AXDND1: variants seen among roughly 807,000 people sequenced by gnomAD.
AXDND1 encodes the protein axonemal dynein light chain domain containing 1, also known as axonemal dynein light chain domain-containing protein 1.
In AXDND1, 110 loss-of-function variants were observed where a neutral mutation model predicts 137.5. That is an observed-to-expected ratio of 0.80 (90% CI 0.69 to 0.94). The LOEUF is 0.94. Ranked by LOEUF, AXDND1 falls within the 40% of genes least tolerant of loss-of-function variation. The probability of loss-of-function intolerance (pLI) is 0.00; values close to 1 mark genes in which losing one functional copy is unlikely to be tolerated. For synonymous variants in AXDND1, 414 were observed against 399.7 expected, an observed-to-expected ratio of 1.04 and a Z score of -0.43; for missense variants, 1,191 against 1,169.8, an observed-to-expected ratio of 1.02 and a Z score of -0.26.
At chr1:179,520,670 T>C (rs1669965859) in intron 21 of AXDND1, among the ~76,000 whole-genome samples, 1 of 151,808 alleles carries the variant, frequency 6.6e-6, no homozygotes, top group Non-Finnish European at 1.5e-5. Context: ...AGAGTAGACA[T>C]GTTTATGATG....
At chr1:179,552,590 A>G (rs753302985) in intron 25 of AXDND1, 2 of 1,609,728 alleles carry the variant, frequency 1.2e-6, no homozygotes, top group Admixed American at 1.7e-5. Flanking sequence ...GGGTGGGAGG[A>G]TGGAGTGCTC....
At chr1:179,386,027 G>A (rs1649145388) in intron 9 of AXDND1, among the ~76,000 whole-genome samples, 1 of 150,020 alleles carries the variant, frequency 6.7e-6, no homozygotes, top group African/African-American at 2.5e-5. Flanking sequence ...TGTTTTTCCT[G>A]GAGCTGATTT....
intron 4 of AXDND1, among the ~76,000 whole-genome samples, 167 bp from the exon 5 acceptor site, chr1:179,378,470 C>T (rs1405491194): frequency 6.6e-6 from 1 of 152,080 alleles, no homozygotes. Context: ...TGTGGGGGAA[C>T]TCATGTTTAA....
intron 6 of AXDND1, among the ~76,000 whole-genome samples, chr1:179,380,397 G>A (rs1426340340): frequency 1.3e-5 from 2 of 152,064 alleles, no homozygotes; most frequent in Non-Finnish European, 2.9e-5. Flanking sequence ...ATGGAACTTT[G>A]TTTGAATGTG....
At chr1:179,523,028 A>T (rs1363579955) in intron 21 of AXDND1, among the ~76,000 whole-genome samples, 4 of 151,736 alleles carry the variant, frequency 2.6e-5, no homozygotes, top group Non-Finnish European at 5.9e-5. Context: ...ATGTTTTTAA[A>T]TCTATATGAG....
intron 15 of AXDND1, among the ~76,000 whole-genome samples, chr1:179,438,211 A>T (rs1057056650): frequency 6.6e-6 from 1 of 152,178 alleles, no homozygotes. Flanking sequence ...GTGATGTTGG[A>T]TGTGAAAGCT....
At chr1:179,458,339 A>T (rs941657737) in intron 16 of AXDND1, among the ~76,000 whole-genome samples, 5 of 152,170 alleles carry the variant, frequency 3.3e-5, no homozygotes, top group Non-Finnish European at 7.4e-5. Flanking sequence ...TTTAAAGAAC[A>T]TATAATTTTA....
intron 20 of AXDND1, chr1:179,507,068 A>C (rs1044526833): frequency 1.5e-5 from 3 of 206,580 alleles, no homozygotes; most frequent in African/African-American, 7.1e-5. Context: ...CTGCTACAAT[A>C]GGCTTAACAT....
intron 16 of AXDND1, among the ~76,000 whole-genome samples, chr1:179,458,193 G>C (rs1002795289): frequency 6.6e-6 from 1 of 151,928 alleles, no homozygotes; most frequent in Non-Finnish European, 1.5e-5. Flanking sequence ...ATATTGTCCA[G>C]GCTGGTCTCA....
intron 16 of AXDND1, chr1:179,448,052 G>A: frequency 8.1e-7 from 1 of 1,233,702 alleles, no homozygotes; most frequent in East Asian, 2.3e-5. Context: ...AAATTCTGAG[G>A]TGGCAAACCA....
intron 25 of AXDND1, among the ~76,000 whole-genome samples, chr1:179,549,464 C>G (rs1021761882): frequency 6.6e-6 from 1 of 152,128 alleles, no homozygotes; most frequent in Non-Finnish European, 1.5e-5. Context: ...CAGAGGAAAC[C>G]AAACAATAGG....
chr1:179,524,206 C>G (rs748567144), intron 21 of AXDND1, among the ~76,000 whole-genome samples: 44 of 152,084 alleles, frequency 2.9e-4, no homozygotes, highest in Non-Finnish European at 5.1e-4. Flanking sequence ...GGTAGATACC[C>G]AGGAGTGGGA....
intron 12 of AXDND1, among the ~76,000 whole-genome samples, chr1:179,417,016 G>A (rs899811434): frequency 3.9e-5 from 6 of 152,016 alleles, no homozygotes; most frequent in Non-Finnish European, 8.8e-5. Context: ...CCTGTTTTTT[G>A]ATACAATCCA....
intron 12 of AXDND1, 54 bp downstream of exon 12, chr1:179,411,320 C>G: frequency 6.4e-7 from 1 of 1,574,696 alleles, no homozygotes; most frequent in East Asian, 2.3e-5. Flanking sequence ...AAGATTCATT[C>G]TACAGTTTTA....
rs140274021 is a variant in AXDND1 at position 179,528,602 on chromosome 1, G to A, written c.2715+171G>A. ...TTCCTGGAAAACTCCTTTTTTCACCGTAACTTTACAAAAGCTTCTCATTCT... is the reference window on the plus strand; with the variant it reads ...TTCCTGGAAAACTCCTTTTTTCACCATAACTTTACAAAAGCTTCTCATTCT... On this transcript the variant is annotated intron_variant, in intron 23 of 25. Coordinates refer to ENST00000367618, the MANE Select transcript of AXDND1 (RefSeq NM_144696.6). Among the ~76,000 whole-genome samples the A allele has an allele frequency of 2.4e-3, 353 of 147,272 alleles. 1 individual carries two copies. The highest frequency in any genetic ancestry group is 8.3e-3 in the African/African-American group (332 of 40,000).
At chr1:179,503,833 T>G (rs964807707) in intron 20 of AXDND1, among the ~76,000 whole-genome samples, 9 of 152,190 alleles carry the variant, frequency 5.9e-5, no homozygotes, top group Non-Finnish European at 1.0e-4. Flanking sequence ...TGTGATAGTT[T>G]GCTGAGAATT....
At chr1:179,383,618 C>A in intron 8 of AXDND1, 74 bp downstream of exon 8, 2 of 1,095,006 alleles carry the variant, frequency 1.8e-6, no homozygotes, top group East Asian at 2.5e-5. Flanking sequence ...GGTTAGAATT[C>A]TGACCCTGCC....
chr1:179,419,443 C>T (rs2125259207), intron 12 of AXDND1, among the ~76,000 whole-genome samples: 1 of 149,150 alleles, frequency 6.7e-6, no homozygotes, highest in South Asian at 2.2e-4. Flanking sequence ...GAAACCCCGT[C>T]TCCACCAAAA....
At chr1:179,387,433 G>A (rs760706806) in intron 9 of AXDND1, among the ~76,000 whole-genome samples, 9 of 152,108 alleles carry the variant, frequency 5.9e-5, no homozygotes, top group Non-Finnish European at 8.8e-5. Flanking sequence ...CATTTATCAG[G>A]GCAGAGCCCT....
Sources: allele counts gnomAD v4.1 joint callset (sites outside exome capture counted in the v4.1 genomes callset), GRCh38; gene constraint gnomAD v4.1.1; transcripts MANE v1.5; gene names NCBI Gene and HGNC (gene_info 2026-07-23, HGNC 2026-07-21).